The following KIF1A variants were observed in gnomAD, a reference collection of about 807,000 sequenced individuals.
The protein encoded by KIF1A is kinesin-like protein KIF1A.
A neutral mutation model predicts 227.3 loss-of-function variants in KIF1A; 46 were observed. That is an observed-to-expected ratio of 0.20 (90% CI 0.16 to 0.26). The LOEUF (loss-of-function observed/expected upper bound fraction) is 0.26, where lower values mean the gene tolerates loss of function less well. Among genes scored for constraint, KIF1A ranks in the 10% least tolerant of loss-of-function variants. The pLI is 1.00. For missense variants in KIF1A, 1,683 were observed against 2,485.9 expected, an observed-to-expected ratio of 0.68 and a Z score of 6.87; for synonymous variants, 1,022 against 1,012.8, an observed-to-expected ratio of 1.01 and a Z score of -0.17.
upstream of KIF1A, among the ~76,000 whole-genome samples, chr2:240,820,724 G>A (rs533116349): frequency 1.5e-4 from 23 of 152,196 alleles, no homozygotes; most frequent in African/African-American, 5.3e-4. This position sits in a 1 kb window ranked among gnomAD's most constrained non-coding sequence, Gnocchi z 6.2. Context: ...CTGGCTCCGG[G>A]TGTAACAGGT....
intron 8 of KIF1A, 90 bp from the exon 9 acceptor site, chr2:240,783,199 G>A (rs575539561): frequency 5.0e-6 from 5 of 996,350 alleles, no homozygotes; most frequent in Admixed American, 1.7e-5. Context: ...CCTGTGCAGT[G>A]TGGAGTGGAG....
rs750797358 is a variant in KIF1A at position 240,718,129 on chromosome 2, T to C, written c.5254A>G (p.Ile1752Val). 1.9e-6 allele frequency: 3 copies of C among 1,610,082 alleles called. No homozygotes were observed. The African/African-American group carries it at 4.0e-5, about 22-fold the overall frequency. ...TTGTCGCTGGCGGCCTGCAGCAGGATGCCGCGGTGTTCCGTGCACACCGCG... is the reference window on the plus strand; with the variant it reads ...TTGTCGCTGGCGGCCTGCAGCAGGACGCCGCGGTGTTCCGTGCACACCGCG... ...TFAVCTEHRG[I>V]LLQAASDKDM... Residue 1752 changes from isoleucine (I) to valine (V), a missense_variant, in exon 48 of 49, where the codon ATC becomes GTC. By Grantham distance (29) the Ile-to-Val change is conservative. Around this residue, in one of 12 missense-constraint regions of KIF1A, gnomAD observed 384 missense variants for 410.1 expected, o/e 0.94. Coordinates refer to ENST00000498729, the MANE Select transcript of KIF1A (RefSeq NM_001244008.2).
intron 32 of KIF1A, 38 bp from the exon 33 acceptor site, chr2:240,744,098 C>T: frequency 7.4e-7 from 1 of 1,345,812 alleles, no homozygotes; most frequent in African/African-American, 1.4e-5. Flanking sequence ...GAGGGCACGG[C>T]CAGGTCACAT....
chr2:240,717,020 CA>C lies in KIF1A; in HGVS notation c.*343del. The C allele has an allele frequency of 3.4e-6, 1 of 294,126 alleles. No homozygotes were observed. Among genetic ancestry groups the C allele is most frequent in the Non-Finnish European group, 6.3e-6 (1 of 158,744 alleles). 18.2% of individuals were successfully genotyped at this position (294,126 alleles called of 1,614,324 possible). ...TAGTTAATTTCCGAGTTGACTGTTT[CA>C]ATGTCACTAACTAACGTATATTAAT... On this transcript the variant is annotated 3_prime_UTR_variant, in exon 49 of 49. Coordinates refer to ENST00000498729, the MANE Select transcript of KIF1A (RefSeq NM_001244008.2).
rs913404937 is a variant in KIF1A at position 240,720,916 on chromosome 2, C to G, written c.4866G>C (p.Leu1622=). 6 of 1,568,010 alleles carry G rather than the reference C, an allele frequency of 3.8e-6. No homozygotes were observed. The highest frequency in any genetic ancestry group is 5.2e-6 in the Non-Finnish European group (6 of 1,154,602). ...LVEGRYGATD[L]RTPQPCSRPA... ...CCGGGAGCCTGGAGCTCACTCACCTCAGGTCAGTGGCACCGTACCGCCCTT... is the reference window on the plus strand; with the variant it reads ...CCGGGAGCCTGGAGCTCACTCACCTGAGGTCAGTGGCACCGTACCGCCCTT... The change falls in exon 45 of 49, where the codon CTG becomes CTC. Residue 1622 remains leucine, a splice_region_variant and synonymous_variant. Transcript: ENST00000498729.
chr2:240,820,726 G>C (rs929120425), upstream of KIF1A, among the ~76,000 whole-genome samples: 1 of 152,002 alleles, frequency 6.6e-6, no homozygotes, highest in Non-Finnish European at 1.5e-5. The surrounding 1 kb of genome is among the most constrained non-coding windows in gnomAD (Gnocchi z 6.2). Context: ...GGCTCCGGGT[G>C]TAACAGGTGC....
chr2:240,742,686 C>T (rs1227682169), intron 34 of KIF1A, among the ~76,000 whole-genome samples: 2 of 152,212 alleles, frequency 1.3e-5, no homozygotes, highest in Non-Finnish European at 1.5e-5. Flanking sequence ...GACCCTCTTG[C>T]TGCCTTCCTT....
intron 38 of KIF1A, among the ~76,000 whole-genome samples, chr2:240,728,019 C>T (rs2046226487): frequency 6.6e-6 from 1 of 152,212 alleles, no homozygotes; most frequent in South Asian, 2.1e-4. Flanking sequence ...CAGCTCCCCT[C>T]CAAGCATCCT....
intron 45 of KIF1A, chr2:240,720,519 G>A (rs532433839): frequency 1.3e-4 from 22 of 170,344 alleles, no homozygotes; most frequent in East Asian, 4.7e-4. Context: ...GGGTTCACAC[G>A]AGGTCTCTTC....
At chr2:240,748,905 G>C (rs1217928059) in intron 28 of KIF1A, among the ~76,000 whole-genome samples, 2 of 152,154 alleles carry the variant, frequency 1.3e-5, no homozygotes, top group African/African-American at 4.8e-5. Context: ...CAGATTACTT[G>C]AGGTCAGGAG....
intron 10 of KIF1A, among the ~76,000 whole-genome samples, chr2:240,777,040 TTTTG>T (rs1328109887): frequency 2.6e-5 from 4 of 152,060 alleles, no homozygotes; most frequent in African/African-American, 9.7e-5. Flanking sequence ...TTTTCTTTTG[TTTTG>T]TTTTTGTTTT....
At position 240,746,087 on chromosome 2, in the gene KIF1A, C is replaced by A; in HGVS notation, c.3154G>T (p.Ala1052Ser). The A allele has an allele frequency of 6.3e-7, 1 of 1,595,720 alleles. No individual in the cohort carries two copies. Among genetic ancestry groups the A allele is most frequent in the Non-Finnish European group, 8.5e-7 (1 of 1,171,774 alleles). Residue 1052 changes from alanine to serine, a missense_variant, in exon 30 of 49, where the codon GCA becomes TCA. Around this residue, in one of 12 missense-constraint regions of KIF1A, gnomAD observed 759 missense variants for 1,020.2 expected, o/e 0.74. Transcript: ENST00000498729. ...LRIVEGQGQGADVGPSADEVN... is the reference protein window; with the variant it reads ...LRIVEGQGQGSDVGPSADEVN... ...TCATCGGCTGAGGGCCCCACGTCTG[C>A]ACCCTGGCCCTGGCCCTCCACGATG...
chr2:240,717,347 C>T lies in KIF1A; in HGVS notation c.*17G>A. On this transcript the variant is annotated 3_prime_UTR_variant, in exon 49 of 49. Coordinates refer to ENST00000498729, the MANE Select transcript of KIF1A (RefSeq NM_001244008.2). ...GGGATGGGCTGGGCCTGCCGGCTGTCACGGGAGGGCTCAGGTTCAGACCCG... is the reference window on the plus strand; with the variant it reads ...GGGATGGGCTGGGCCTGCCGGCTGTTACGGGAGGGCTCAGGTTCAGACCCG... The T allele has an allele frequency of 6.2e-7, 1 of 1,609,556 alleles. No homozygotes were observed. Among genetic ancestry groups the T allele is most frequent in the Non-Finnish European group, 8.5e-7 (1 of 1,178,252 alleles).
At chr2:240,723,135 G>T (rs901044314) in intron 42 of KIF1A, among the ~76,000 whole-genome samples, 2 of 152,202 alleles carry the variant, frequency 1.3e-5, no homozygotes, top group Non-Finnish European at 2.9e-5. Context: ...CTCTCCTTCC[G>T]GGTCCCTTTC....
intron 48 of KIF1A, among the ~76,000 whole-genome samples, 180 bp from the exon 49 acceptor site, chr2:240,717,586 G>A (rs575986280): frequency 2.0e-5 from 3 of 152,278 alleles, no homozygotes; most frequent in East Asian, 1.9e-4. Flanking sequence ...GACTCAGCCC[G>A]CCCATCCCCT....
At chr2:240,743,025 G>C in intron 33 of KIF1A, 41 bp from the exon 34 acceptor site, 2 of 1,527,254 alleles carry the variant, frequency 1.3e-6, no homozygotes, top group East Asian at 2.3e-5. Context: ...GCGGGACCCT[G>C]GGCGGGAGGG....
chr2:240,732,555 G>A (rs1366116816), intron 38 of KIF1A, among the ~76,000 whole-genome samples: 7 of 119,088 alleles, frequency 5.9e-5, no homozygotes, highest in Admixed American at 8.5e-5. Flanking sequence ...ATGAGGGAGG[G>A]ATGGGGGATG....
chr2:240,721,063 G>A (rs376754848), intron 44 of KIF1A, 25 bp from the exon 45 acceptor site: 92 of 1,610,498 alleles, frequency 5.7e-5, no homozygotes, highest in South Asian at 1.2e-4. Context: ...CCTTTTTCAG[G>A]GGACACAGGG....
At chr2:240,742,407 G>A (rs2048088234) in intron 34 of KIF1A, among the ~76,000 whole-genome samples, 1 of 152,134 alleles carries the variant, frequency 6.6e-6, no homozygotes, top group South Asian at 2.1e-4. Context: ...ATGTCCCTGG[G>A]TTTTGGTCTT....
Sources: gnomAD v4.1 joint callset for allele counts (sites outside exome capture counted in the v4.1 genomes callset) on GRCh38, gnomAD v4.1.1 for gene constraint, gnomAD v4.1.1 regional missense constraint, Gnocchi (gnomAD v3.1) non-coding constraint, MANE v1.5 for transcripts, NCBI Gene and HGNC (gene_info 2026-07-23, HGNC 2026-07-21) for gene names.